The following DPP6 variants were observed in gnomAD, a reference collection of about 807,000 sequenced individuals.
DPP6 encodes the protein dipeptidyl peptidase like 6, also known as A-type potassium channel modulatory protein DPP6.
In DPP6, 69 loss-of-function variants were observed where a neutral mutation model predicts 122.6. The observed-to-expected ratio is 0.56, with a 90% CI of 0.46 to 0.69. The LOEUF (loss-of-function observed/expected upper bound fraction) is 0.69, where lower values mean the gene tolerates loss of function less well. Ranked by LOEUF, DPP6 falls within the 30% of genes least tolerant of loss-of-function variation. The probability of loss-of-function intolerance (pLI) is 0.00; values close to 1 mark genes in which losing one functional copy is unlikely to be tolerated. For synonymous variants in DPP6, 418 were observed against 433.1 expected, an observed-to-expected ratio of 0.97 and a Z score of 0.43; for missense variants, 928 against 1,116.9, an observed-to-expected ratio of 0.83 and a Z score of 2.41.
chr7:153,885,387 T>C (rs1243781829), upstream of DPP6, among the ~76,000 whole-genome samples: 1 of 152,036 alleles, frequency 6.6e-6, no homozygotes, highest in East Asian at 1.9e-4. Context: ...CCCAGGGTGA[T>C]GGTGTTAGGG....
intron 1 of DPP6, chr7:154,057,526 G>C (rs548589646): frequency 1.3e-5 from 2 of 150,882 alleles, no homozygotes; most frequent in East Asian, 3.9e-4. Context: ...ACAGGGGTCC[G>C]AACGCAGCTC....
At chr7:154,060,288 A>G (rs151173692) in intron 1 of DPP6, among the ~76,000 whole-genome samples, 5,122 of 42,454 alleles carry the variant, frequency 0.12, 364 homozygotes, top group African/African-American at 0.2. Flanking sequence ...CTGAGAGGCA[A>G]TCCCTCTTCC....
chr7:154,641,281 C>T (rs1485618308), intron 6 of DPP6, among the ~76,000 whole-genome samples: 1 of 152,142 alleles, frequency 6.6e-6, no homozygotes, highest in Non-Finnish European at 1.5e-5. Flanking sequence ...CTTTGACATA[C>T]CAAGCTTCCA....
At position 154,626,840 on chromosome 7, in the gene DPP6, C is replaced by A. The variant is rs12532210; in HGVS notation, c.628-10981C>A. On this transcript the variant is annotated intron_variant, in intron 5 of 25. Transcript: ENST00000377770. ...TGTATAAATGGTTGCAGTAAATTGC[C>A]TAGAGCAGTGAAGGAAAGATGTGCA... Among the ~76,000 whole-genome samples, 114 of 152,274 alleles carry A rather than the reference C, an allele frequency of 7.5e-4. 2 individuals are homozygous for A. In the South Asian group the frequency reaches 0.015, roughly 20 times the overall value.
In DPP6 at chr7:154,120,804, A is replaced by AG. The variant is rs557557523; in HGVS notation, c.243+67742dup. 2.6e-5 allele frequency among the ~76,000 whole-genome samples: 4 copies of AG among 152,340 alleles called. No homozygotes were observed. The South Asian group carries it at 8.3e-4, about 32-fold the overall frequency. ...AAAATGCACCCAGAACAGTTGATGA[A>AG]GTCTAGTCCAATGAAAGGGTTTTCA... is the stretch of plus-strand genomic sequence containing the variant. On this transcript the variant is annotated intron_variant, in intron 1 of 25. Coordinates refer to ENST00000377770, the MANE Select transcript of DPP6 (RefSeq NM_130797.4).
chr7:154,525,917 T>C (rs1480507563), intron 3 of DPP6, among the ~76,000 whole-genome samples: 1 of 152,226 alleles, frequency 6.6e-6, no homozygotes, highest in Admixed American at 6.5e-5. Context: ...TAGTATTTCC[T>C]TGATATGCTA....
At chr7:154,668,197 T>TTTTA (rs752665377) in intron 6 of DPP6, among the ~76,000 whole-genome samples, 3 of 36,476 alleles carry the variant, frequency 8.2e-5, no homozygotes, top group African/African-American at 1.8e-4. Context: ...TGTGTATATT[T>TTTTA]TATATATATA....
chr7:154,555,661 T>C (rs1039678250), intron 4 of DPP6, among the ~76,000 whole-genome samples: 2 of 151,848 alleles, frequency 1.3e-5, no homozygotes, highest in South Asian at 4.2e-4. Context: ...CAAAAAAAAC[T>C]AATAAGAACA....
intron 2 of DPP6, among the ~76,000 whole-genome samples, chr7:154,461,577 G>A (rs1307662365): frequency 6.6e-6 from 1 of 152,142 alleles, no homozygotes; most frequent in African/African-American, 2.4e-5. Flanking sequence ...GGGTGAGATG[G>A]TGTCTCATTA....
intron 6 of DPP6, among the ~76,000 whole-genome samples, chr7:154,663,361 G>A (rs75019498): frequency 4.9e-5 from 2 of 41,186 alleles, no homozygotes; most frequent in Non-Finnish European, 9.0e-5. Context: ...TAGTGTTCAT[G>A]TAGTCAAGAT....
At chr7:154,610,707 CTGTGTGTGTGTGTGTG>C (rs10525265) in intron 5 of DPP6, among the ~76,000 whole-genome samples, 21 of 122,078 alleles carry the variant, frequency 1.7e-4, no homozygotes, top group East Asian at 3.3e-4. Flanking sequence ...GTGTTGTTCT[CTGTGTGTGTGTGTGTG>C]TGTGTGTGTG....
At chr7:154,824,367 C>T (rs1800003367) in intron 16 of DPP6, among the ~76,000 whole-genome samples, 1 of 152,224 alleles carries the variant, frequency 6.6e-6, no homozygotes, top group Non-Finnish European at 1.5e-5. Flanking sequence ...GCAACCTCTG[C>T]CTCCCGGGTT....
At chr7:153,762,542 G>C in the DPP6 span, among the ~76,000 whole-genome samples, 1 of 151,926 alleles carries the variant, frequency 6.6e-6, no homozygotes, top group South Asian at 2.1e-4. Flanking sequence ...AGGCCAAGGC[G>C]TGTGGATCAC....
At chr7:154,611,637 T>C (rs1486649401) in intron 5 of DPP6, among the ~76,000 whole-genome samples, 5 of 152,212 alleles carry the variant, frequency 3.3e-5, no homozygotes, top group Admixed American at 3.3e-4. Context: ...GCTAACACTT[T>C]ATCTCATGTA....
In DPP6 at chr7:154,014,660, T is replaced by C. The variant is rs561821910; in HGVS notation, c.51+126926T>C. On this transcript the variant is annotated intron_variant, in intron 1 of 25. Coordinates refer to the DPP6 transcript ENST00000404039. ...CTGGGTGACAGAGTGAGACTCTGTG[T>C]CAAAAAAAAAGAAGAAAGAAAAAAG... Among the ~76,000 whole-genome samples the C allele has an allele frequency of 8.1e-4, 123 of 151,346 alleles. 1 individual carries two copies. The highest frequency in any genetic ancestry group is 1.6e-3 in the Non-Finnish European group (106 of 67,880).
intron 1 of DPP6, among the ~76,000 whole-genome samples, chr7:153,981,890 T>A (rs1796609727): frequency 6.6e-6 from 1 of 152,000 alleles, no homozygotes; most frequent in Admixed American, 6.5e-5. Context: ...TTCTGGCTTG[T>A]AGGGTTTCTG....
At position 154,618,621 on chromosome 7, in the gene DPP6, C is replaced by T. The variant is rs779785452; in HGVS notation, c.628-19200C>T. On this transcript the variant is annotated intron_variant, in intron 5 of 25. Coordinates refer to ENST00000377770, the MANE Select transcript of DPP6 (RefSeq NM_130797.4). The surrounding 1 kb of genome is among the most constrained non-coding windows in gnomAD (Gnocchi z 4.1). ...ATGTGCTCAGAGCCACGCACAGGAT[C>T]GCTAGAAGCCGGGGCCACAGCCCAG... Among the ~76,000 whole-genome samples, 20 of 152,194 alleles carry T rather than the reference C, an allele frequency of 1.3e-4. 1 individual carries two copies. Among genetic ancestry groups the T allele is most frequent in the African/African-American group, 3.4e-4 (14 of 41,442 alleles).
chr7:154,451,862 T>C (rs190106955), intron 2 of DPP6, among the ~76,000 whole-genome samples: 1 of 152,340 alleles, frequency 6.6e-6, no homozygotes, highest in Admixed American at 6.5e-5. Context: ...TGTGCTGCCC[T>C]GGGATGGGGT....
intron 1 of DPP6, among the ~76,000 whole-genome samples, chr7:154,364,732 C>T (rs1812010671): frequency 6.6e-6 from 1 of 152,230 alleles, no homozygotes; most frequent in Non-Finnish European, 1.5e-5. Context: ...CCTCTCTCAT[C>T]TCTTCCCTGA....
Sources: allele counts gnomAD v4.1 joint callset (sites outside exome capture counted in the v4.1 genomes callset), GRCh38; gene constraint gnomAD v4.1.1; non-coding constraint Gnocchi (gnomAD v3.1); transcripts MANE v1.5; gene names NCBI Gene and HGNC (gene_info 2026-07-23, HGNC 2026-07-21).